The following TMCC1 variants were observed in gnomAD, a reference collection of about 807,000 sequenced individuals.
TMCC1 encodes transmembrane and coiled-coil domains protein 1.
TMCC1 carries 15 observed loss-of-function variants against 52.4 expected under a neutral mutation model. The ratio of observed to expected loss-of-function variants is 0.29; its 90% CI spans 0.19 to 0.44. The LOEUF is 0.44. TMCC1 is among the 20% of genes least tolerant of loss of function. The probability of loss-of-function intolerance (pLI) is 1.00; values close to 1 mark genes in which losing one functional copy is unlikely to be tolerated. For synonymous variants in TMCC1, 279 were observed against 301.9 expected (o/e 0.92, Z 0.79); for missense variants, 503 against 806.0 (o/e 0.62, Z 4.55).
chr3:129,670,412 C>G lies in TMCC1; in HGVS notation c.1429G>C (p.Glu477Gln). ...QEIRETQARLEESFETLKEHY... is the reference protein window; with the variant it reads ...QEIRETQARLQESFETLKEHY... Reference sequence around the variant, plus strand: ...TCCTTGAGAGTCTCAAAGGATTCCTCTAGTCTGGCCTGGGTTTCCCGGATC... The same window carrying G: ...TCCTTGAGAGTCTCAAAGGATTCCTGTAGTCTGGCCTGGGTTTCCCGGATC... Residue 477 changes from glutamate to glutamine, a missense_variant, in exon 5 of 7, where the codon GAG (glutamate) becomes CAG (glutamine). This residue lies in a region of TMCC1 where 121 missense variants were observed against 193.6 expected (regional missense o/e 0.62). Coordinates refer to ENST00000393238, the MANE Select transcript of TMCC1 (RefSeq NM_001017395.5). The G allele has an allele frequency of 6.2e-7, 1 of 1,614,206 alleles. No individual in the cohort carries two copies. The highest frequency in any genetic ancestry group is 8.5e-7 in the Non-Finnish European group (1 of 1,180,040).
intron 4 of TMCC1, among the ~76,000 whole-genome samples, chr3:129,677,456 C>T (rs1394175262): frequency 6.6e-6 from 1 of 152,154 alleles, no homozygotes; most frequent in Non-Finnish European, 1.5e-5. Flanking sequence ...TTAAAAAATA[C>T]ATATAATATT....
intron 2 of TMCC1, among the ~76,000 whole-genome samples, chr3:129,875,616 C>T (rs1444889209): frequency 1.3e-5 from 2 of 151,914 alleles, no homozygotes; most frequent in East Asian, 1.9e-4. Context: ...AACATAAACT[C>T]CATTAGGGTA....
At chr3:129,691,240 T>C (rs192546658) in intron 4 of TMCC1, among the ~76,000 whole-genome samples, 1 of 152,220 alleles carries the variant, frequency 6.6e-6, no homozygotes, top group East Asian at 1.9e-4. Flanking sequence ...TTTGTCTATG[T>C]CGAGTGTAAT....
intron 2 of TMCC1, among the ~76,000 whole-genome samples, chr3:129,836,337 T>C (rs1363820442): frequency 6.6e-6 from 1 of 152,108 alleles, no homozygotes; most frequent in Non-Finnish European, 1.5e-5. Flanking sequence ...TAGATTTGAA[T>C]AGCATGAACA....
intron 4 of TMCC1, among the ~76,000 whole-genome samples, chr3:129,779,550 G>A (rs1490993545): frequency 6.6e-6 from 1 of 152,130 alleles, no homozygotes. Context: ...CCTCAAAGCA[G>A]TAGTTATATA....
At chr3:129,685,859 T>C (rs1163632526) in intron 4 of TMCC1, among the ~76,000 whole-genome samples, 1 of 152,190 alleles carries the variant, frequency 6.6e-6, no homozygotes, top group East Asian at 1.9e-4. Context: ...AGGAAAAGCA[T>C]CTGTCTATCA....
At chr3:129,781,430 T>G (rs1303188306) in intron 4 of TMCC1, among the ~76,000 whole-genome samples, 1 of 152,170 alleles carries the variant, frequency 6.6e-6, no homozygotes, top group Non-Finnish European at 1.5e-5. Context: ...TATCTACCTT[T>G]CAAACCTCAT....
intron 4 of TMCC1, among the ~76,000 whole-genome samples, chr3:129,810,020 T>C (rs919364314): frequency 1.3e-5 from 2 of 152,108 alleles, no homozygotes; most frequent in African/African-American, 4.8e-5. Context: ...AATCCACACA[T>C]CTCTGCACCC....
chr3:129,652,418 ATGCC>A (rs2086392410), intron 6 of TMCC1, among the ~76,000 whole-genome samples: 1 of 152,214 alleles, frequency 6.6e-6, no homozygotes, highest in Admixed American at 6.5e-5. Context: ...GAGGCTGGAC[ATGCC>A]TTATTATATC....
At chr3:129,706,884 C>G (rs1285435399) in intron 4 of TMCC1, among the ~76,000 whole-genome samples, 1 of 152,030 alleles carries the variant, frequency 6.6e-6, no homozygotes, top group Non-Finnish European at 1.5e-5. Context: ...TCATAGCTCA[C>G]TGCAGCCTCA....
intron 4 of TMCC1, among the ~76,000 whole-genome samples, chr3:129,745,205 G>GA (rs890922026): frequency 6.6e-6 from 1 of 152,136 alleles, no homozygotes; most frequent in African/African-American, 2.4e-5. Flanking sequence ...AAAACAAAGA[G>GA]AAAAAAACTT....
intron 4 of TMCC1, among the ~76,000 whole-genome samples, chr3:129,826,362 C>T (rs1478813235): frequency 1.3e-5 from 2 of 150,356 alleles, no homozygotes; most frequent in Non-Finnish European, 3.0e-5. Context: ...AAAAAATTGG[C>T]CAGACATGCT....
At chr3:129,875,800 T>C (rs187128299) in intron 2 of TMCC1, among the ~76,000 whole-genome samples, 23 of 152,360 alleles carry the variant, frequency 1.5e-4, no homozygotes, top group Non-Finnish European at 2.8e-4. Flanking sequence ...TAAGCTCATC[T>C]GGCTGAGTAT....
intron 4 of TMCC1, among the ~76,000 whole-genome samples, chr3:129,798,604 C>T (rs1453830890): frequency 6.9e-6 from 1 of 144,102 alleles, no homozygotes; most frequent in African/African-American, 2.6e-5. Context: ...CCCTCACTAA[C>T]AAGGCAACCT....
chr3:129,806,298 C>A (rs2057461914), intron 4 of TMCC1, among the ~76,000 whole-genome samples: 1 of 152,130 alleles, frequency 6.6e-6, no homozygotes, highest in East Asian at 1.9e-4. Flanking sequence ...ATAAAAGATT[C>A]CAATAAAATT....
chr3:129,862,850 C>G (rs2060455662), intron 2 of TMCC1, among the ~76,000 whole-genome samples: 1 of 152,198 alleles, frequency 6.6e-6, no homozygotes, highest in East Asian at 1.9e-4. Context: ...AACAGTGTCA[C>G]TTTATCAATG....
intron 4 of TMCC1, among the ~76,000 whole-genome samples, chr3:129,823,033 T>C (rs966425646): frequency 6.6e-6 from 1 of 152,284 alleles, no homozygotes; most frequent in Admixed American, 6.5e-5. Flanking sequence ...ATTTTTAAAA[T>C]AAAACATTTT....
At chr3:129,812,904 C>G (rs1034875020) in intron 4 of TMCC1, among the ~76,000 whole-genome samples, 1 of 152,048 alleles carries the variant, frequency 6.6e-6, no homozygotes, top group African/African-American at 2.4e-5. Context: ...GGAGAAAATA[C>G]TTGAAAATAC....
intron 4 of TMCC1, among the ~76,000 whole-genome samples, chr3:129,774,731 T>C (rs896441723): frequency 1.3e-5 from 2 of 152,124 alleles, no homozygotes; most frequent in African/African-American, 4.8e-5. Flanking sequence ...GAATAGGCAA[T>C]GGGAAGACCA....
Sources: allele counts gnomAD v4.1 joint callset (sites outside exome capture counted in the v4.1 genomes callset), GRCh38; gene constraint gnomAD v4.1.1; regional missense constraint gnomAD v4.1.1; transcripts MANE v1.5; gene names NCBI Gene and HGNC (gene_info 2026-07-23, HGNC 2026-07-21).